The following PALM2AKAP2 variants were observed in gnomAD, a reference collection of about 807,000 sequenced individuals.
PALM2AKAP2 encodes the protein PALM2 and AKAP2 fusion.
PALM2AKAP2 carries 37 observed loss-of-function variants against 71.5 expected under a neutral mutation model. The observed-to-expected ratio is 0.52, with a 90% CI of 0.40 to 0.68. The LOEUF (loss-of-function observed/expected upper bound fraction) is 0.68. Ranked by LOEUF, PALM2AKAP2 falls within the 30% of genes least tolerant of loss-of-function variation. The probability of loss-of-function intolerance (pLI) is 0.00; values close to 1 mark genes in which losing one functional copy is unlikely to be tolerated. For synonymous variants in PALM2AKAP2, 468 were observed against 478.8 expected, an observed-to-expected ratio of 0.98 and a Z score of 0.29; for missense variants, 1,224 against 1,191.8, an observed-to-expected ratio of 1.03 and a Z score of -0.40.
At chr9:110,031,428 C>T (rs1366450670) in intron 7 of PALM2AKAP2, among the ~76,000 whole-genome samples, 3 of 152,152 alleles carry the variant, frequency 2.0e-5, no homozygotes, top group African/African-American at 2.4e-5. Flanking sequence ...CTGCACCCCA[C>T]CAGAGTGTGA....
chr9:110,119,552 G>A (rs2065362), intron 1 of PALM2AKAP2, among the ~76,000 whole-genome samples: 124,762 of 152,038 alleles, frequency 0.82, 51,278 homozygotes, highest in East Asian at 0.97. Flanking sequence ...TGGGGTCCAC[G>A]TTGCCAAATT....
chr9:110,143,497 A>G (rs1836087942), intron 2 of PALM2AKAP2, among the ~76,000 whole-genome samples: 1 of 151,950 alleles, frequency 6.6e-6, no homozygotes, highest in Admixed American at 6.6e-5. Flanking sequence ...GGGGTAACTC[A>G]CACAGTGCTG....
intron 1 of PALM2AKAP2, among the ~76,000 whole-genome samples, chr9:109,825,329 A>C: frequency 6.6e-6 from 1 of 152,246 alleles, no homozygotes; most frequent in East Asian, 1.9e-4. Flanking sequence ...TAAAACACCA[A>C]AAGCAATGGC....
chr9:110,063,068 T>C (rs1833998680), intron 1 of PALM2AKAP2, among the ~76,000 whole-genome samples: 1 of 152,202 alleles, frequency 6.6e-6, no homozygotes, highest in Admixed American at 6.5e-5. Flanking sequence ...TGCTATCTTA[T>C]GTAAAATGCA....
chr9:109,710,301 T>A (rs557175910), intron 1 of PALM2AKAP2, among the ~76,000 whole-genome samples: 4 of 152,296 alleles, frequency 2.6e-5, no homozygotes, highest in African/African-American at 9.6e-5. Flanking sequence ...AGACATGGCT[T>A]TTTGGGTAGA....
At chr9:110,102,960 C>T (rs1467756503) in intron 1 of PALM2AKAP2, among the ~76,000 whole-genome samples, 1 of 152,172 alleles carries the variant, frequency 6.6e-6, no homozygotes, top group African/African-American at 2.4e-5. Flanking sequence ...TAATTGTCCT[C>T]TCTTGTCCTC....
At chr9:109,956,446 T>C (rs764025128) in intron 6 of PALM2AKAP2, among the ~76,000 whole-genome samples, 16 of 152,204 alleles carry the variant, frequency 1.1e-4, no homozygotes, top group Non-Finnish European at 2.2e-4. Context: ...AACCTGAAAG[T>C]GAGATAAATT....
At chr9:109,919,438 C>T (rs1316448935) in intron 3 of PALM2AKAP2, among the ~76,000 whole-genome samples, 1 of 152,128 alleles carries the variant, frequency 6.6e-6, no homozygotes, top group African/African-American at 2.4e-5. Flanking sequence ...AAAATGAAAT[C>T]ACCTTTAATT....
intron 2 of PALM2AKAP2, among the ~76,000 whole-genome samples, chr9:110,153,941 G>A (rs2119204441): frequency 1.3e-5 from 2 of 152,346 alleles, no homozygotes; most frequent in South Asian, 4.1e-4. Flanking sequence ...TGCTTTCTAG[G>A]TGTTTAACTC....
At position 109,712,617 on chromosome 9, in the gene PALM2AKAP2, T is replaced by A. The variant is rs1032569086; in HGVS notation, c.6-67871T>A. On this transcript the variant is annotated intron_variant, in intron 1 of 6. Coordinates refer to the PALM2AKAP2 transcript ENST00000374531. Reference sequence around the variant, plus strand: ...TTAAGGTGACCCAAAGATGTATTAATGCCCTGCTGATGTTCAAACAAGCCA... The same window carrying A: ...TTAAGGTGACCCAAAGATGTATTAAAGCCCTGCTGATGTTCAAACAAGCCA... Among the ~76,000 whole-genome samples, 13 of 152,348 alleles carry A rather than the reference T, an allele frequency of 8.5e-5. No homozygotes were observed. In the East Asian group the frequency reaches 2.3e-3, roughly 27 times the overall value.
At chr9:109,940,110 A>G (rs934154905) in intron 6 of PALM2AKAP2, among the ~76,000 whole-genome samples, 3 of 152,202 alleles carry the variant, frequency 2.0e-5, no homozygotes, top group Non-Finnish European at 4.4e-5. Context: ...TTGAATTATT[A>G]GCCTTTGTTT....
At chr9:109,932,908 C>T (rs1300098152) in intron 6 of PALM2AKAP2, among the ~76,000 whole-genome samples, 1 of 111,572 alleles carries the variant, frequency 9.0e-6, no homozygotes, top group Non-Finnish European at 2.2e-5. Context: ...GTAAAACAAT[C>T]ATGGATGTTT....
chr9:109,880,463 T>G (rs1587981284), intron 2 of PALM2AKAP2, 88 bp from the exon 3 acceptor site: 2 of 1,535,626 alleles, frequency 1.3e-6, no homozygotes, highest in Non-Finnish European at 1.8e-6. Flanking sequence ...TGGTGAGGGG[T>G]GGAGCTAAAA....
intron 1 of PALM2AKAP2, among the ~76,000 whole-genome samples, chr9:109,756,303 G>A (rs747010170): frequency 6.6e-6 from 1 of 152,102 alleles, no homozygotes. Context: ...CATTTCTCTC[G>A]TGTCTGTTTG....
At chr9:110,031,494 T>C (rs1833276409) in intron 7 of PALM2AKAP2, among the ~76,000 whole-genome samples, 1 of 152,216 alleles carries the variant, frequency 6.6e-6, no homozygotes, top group Non-Finnish European at 1.5e-5. Flanking sequence ...ATAAAATGAA[T>C]AATGAGATAA....
chr9:109,929,657 G>A (rs1831044991), intron 5 of PALM2AKAP2, among the ~76,000 whole-genome samples: 1 of 152,004 alleles, frequency 6.6e-6, no homozygotes, highest in South Asian at 2.1e-4. Context: ...GAGGTCAGGA[G>A]ATCGAGACCA....
At chr9:109,925,013 G>T in intron 4 of PALM2AKAP2, 48 bp from the exon 5 acceptor site, 1 of 1,613,550 alleles carries the variant, frequency 6.2e-7, no homozygotes, top group African/African-American at 1.3e-5. Context: ...AGATGGGATT[G>T]TACCCCCACA....
chr9:109,837,897 C>G (rs867649574), intron 1 of PALM2AKAP2, among the ~76,000 whole-genome samples: 1 of 152,126 alleles, frequency 6.6e-6, no homozygotes, highest in Admixed American at 6.5e-5. Flanking sequence ...TAGAGACCTA[C>G]GAAGAGACTT....
intron 6 of PALM2AKAP2, among the ~76,000 whole-genome samples, chr9:110,014,634 G>A (rs1436843827): frequency 6.6e-5 from 10 of 150,864 alleles, no homozygotes; most frequent in Non-Finnish European, 1.3e-4. Flanking sequence ...TTAGCTGGGT[G>A]TGGTGGCACA....
Sources: gnomAD v4.1 joint callset for allele counts (sites outside exome capture counted in the v4.1 genomes callset) on GRCh38, gnomAD v4.1.1 for gene constraint, MANE v1.5 for transcripts, NCBI Gene and HGNC (gene_info 2026-07-23, HGNC 2026-07-21) for gene names.